Variants in ARFGEF3 observed in about 807,000 individuals in gnomAD.
ARFGEF3 encodes brefeldin A-inhibited guanine nucleotide-exchange protein 3.
Under a neutral mutation model 221.7 loss-of-function variants are expected in ARFGEF3, and 96 were observed. The observed-to-expected ratio is 0.43, with a 90% CI of 0.37 to 0.51. ARFGEF3 has a LOEUF of 0.51. Ranked by LOEUF, ARFGEF3 falls within the 20% of genes least tolerant of loss-of-function variation. ARFGEF3 has a pLI of 0.00. For missense variants in ARFGEF3, 2,410 were observed against 2,789.9 expected, an observed-to-expected ratio of 0.86 and a Z score of 3.07; for synonymous variants, 1,145 against 1,126.8, an observed-to-expected ratio of 1.02 and a Z score of -0.32.
intron 2 of ARFGEF3, among the ~76,000 whole-genome samples, chr6:138,204,114 G>A (rs563725152): frequency 2.6e-5 from 4 of 151,708 alleles, no homozygotes; most frequent in Non-Finnish European, 2.9e-5. Flanking sequence ...CAAGGTGGGC[G>A]GATCACCTGA....
rs1239125890 is a variant in ARFGEF3 at position 138,334,467 on chromosome 6, G to C, written c.5621G>C (p.Gly1874Ala). The change falls in exon 33 of 34, where the codon GGC becomes GCC. Residue 1874 changes from glycine (G) to alanine (A), a missense_variant. Transcript: ENST00000251691. The surrounding 1 kb of genome is among the most constrained non-coding windows in gnomAD (Gnocchi z 5.1). ...ACCGCCCAGGTCAGCCCCCCGAGAGGCAAGGAGAAGAGACAGTGGCGGGCA... is the reference window on the plus strand; with the variant it reads ...ACCGCCCAGGTCAGCCCCCCGAGAGCCAAGGAGAAGAGACAGTGGCGGGCA... ...EETAQVSPPR[G>A]KEKRQWRARM... 1 of 1,612,330 alleles carries C rather than the reference G, an allele frequency of 6.2e-7. No homozygotes were observed.
chr6:138,295,674 A>C lies in ARFGEF3; in HGVS notation c.3503-1136A>C, dbSNP rs1002066536. ...GAAAATATAATTGCTTTAAAAATTA[A>C]AGTTATTAAAGACTTACAGAACCAA... On this transcript the variant is annotated intron_variant, in intron 20 of 33. Transcript: ENST00000251691. 9.2e-5 allele frequency among the ~76,000 whole-genome samples: 14 copies of C among 152,306 alleles called. 1 individual carries two copies. Among genetic ancestry groups the C allele is most frequent in the East Asian group, 5.8e-4 (3 of 5,182 alleles).
At chr6:138,194,456 T>G (rs894482715) in intron 2 of ARFGEF3, among the ~76,000 whole-genome samples, 1 of 152,130 alleles carries the variant, frequency 6.6e-6, no homozygotes, top group Non-Finnish European at 1.5e-5. Flanking sequence ...AGCTGGAGCA[T>G]TTTCATCATG....
rs372854900 is a variant in ARFGEF3 at position 138,188,042 on chromosome 6, T to C, written c.137+17329T>C. 1.4e-4 allele frequency among the ~76,000 whole-genome samples: 22 copies of C among 152,290 alleles called. No individual in the cohort carries two copies. In the East Asian group the frequency reaches 3.9e-3, roughly 27 times the overall value. ...TGCTATAAAATAATAGAGTAGGATA[T>C]AGTGTTTATAATACTTGAGTATTTG... is the stretch of plus-strand genomic sequence containing the variant. On this transcript the variant is annotated intron_variant, in intron 2 of 33. Coordinates refer to ENST00000251691, the MANE Select transcript of ARFGEF3 (RefSeq NM_020340.5).
chr6:138,170,700 C>G lies in ARFGEF3; in HGVS notation c.124C>G (p.Pro42Ala). The change falls in exon 2 of 34, where the codon CCA (proline) becomes GCA (alanine). Residue 42 changes from proline to alanine, a missense_variant. Physicochemically the swap from Pro to Ala is conservative, Grantham distance 27 (BLOSUM62 -1). Around this residue, in one of 5 missense-constraint regions of ARFGEF3, gnomAD observed 570 missense variants for 586.9 expected, o/e 0.97. Coordinates refer to ENST00000251691, the MANE Select transcript of ARFGEF3 (RefSeq NM_020340.5). ...TCTGGATACCATTGTCAAGATCCCTCCACATGTACTGAGGTAGGAGATGGA... is the reference window on the plus strand; with the variant it reads ...TCTGGATACCATTGTCAAGATCCCTGCACATGTACTGAGGTAGGAGATGGA... ...GGLDTIVKIP[P>A]HVLREKCLLP... The G allele has an allele frequency of 6.3e-7, 1 of 1,581,106 alleles. No homozygotes were observed. Among genetic ancestry groups the G allele is most frequent in the Non-Finnish European group, 8.7e-7 (1 of 1,150,370 alleles).
chr6:138,228,889 G>C (rs192210357), intron 4 of ARFGEF3, among the ~76,000 whole-genome samples: 1 of 152,356 alleles, frequency 6.6e-6, no homozygotes. Flanking sequence ...CAGCACCTTT[G>C]TGTCTGTTTT....
Position 138,170,673 on chromosome 6 carries a change from G to T in ARFGEF3, c.97G>T (p.Gly33Cys). The T allele has an allele frequency of 6.4e-7, 1 of 1,574,774 alleles. No individual in the cohort carries two copies. The highest frequency in any genetic ancestry group is 8.7e-7 in the Non-Finnish European group (1 of 1,144,784). The change falls in exon 2 of 34, where the codon GGT (glycine) becomes TGT (cysteine). Residue 33 changes from glycine to cysteine, a missense_variant. Physicochemically the swap from Gly to Cys is radical, Grantham distance 159. Around this residue, in one of 5 missense-constraint regions of ARFGEF3, gnomAD observed 570 missense variants for 586.9 expected, o/e 0.97. Transcript: ENST00000251691. ...SCTWALETLG[G>C]LDTIVKIPPH... ...TTTTTCTTTTGCAGAAACTCTAGGTGGTCTGGATACCATTGTCAAGATCCC... is the reference window on the plus strand; with the variant it reads ...TTTTTCTTTTGCAGAAACTCTAGGTTGTCTGGATACCATTGTCAAGATCCC...
chr6:138,314,642 G>T (rs1168026654), intron 26 of ARFGEF3, among the ~76,000 whole-genome samples: 1 of 152,134 alleles, frequency 6.6e-6, no homozygotes, highest in Non-Finnish European at 1.5e-5. Context: ...AAATACAATG[G>T]TAGGAAGGCA....
Position 138,343,091 on chromosome 6 carries a change from A to G in ARFGEF3, c.*6605A>G, listed in dbSNP as rs1780457553. ...GAATTCAGTGAAATCATGTTAACTC[A>G]TATAGAGGGGGCCTTAGTTTATCTC... is the stretch of plus-strand genomic sequence containing the variant. On this transcript the variant is annotated 3_prime_UTR_variant, in exon 34 of 34. Transcript: ENST00000251691. The G allele has an allele frequency of 6.6e-6, 1 of 152,190 alleles. No individual in the cohort carries two copies. The highest frequency in any genetic ancestry group is 2.4e-5 in the African/African-American group (1 of 41,442). 9.4% of individuals were successfully genotyped at this position (152,190 alleles called of 1,614,324 possible). A position where few individuals can be genotyped will look rare whatever the true frequency, so the allele number is the denominator to read the frequency against.
rs560980883 is a variant in ARFGEF3 at position 138,173,679 on chromosome 6, A to G, written c.137+2966A>G. On this transcript the variant is annotated intron_variant, in intron 2 of 33. Transcript: ENST00000251691. ...ATATGGTTTCAATGTGTCCAAGGAC[A>G]TATTTTTGGTTCTCCTTTTACTCAT... Among the ~76,000 whole-genome samples, 3 of 152,280 alleles carry G rather than the reference A, an allele frequency of 2.0e-5. No individual in the cohort carries two copies. In the East Asian group the frequency reaches 5.8e-4, roughly 29 times the overall value.
At chr6:138,181,699 C>A (rs891231772) in intron 2 of ARFGEF3, among the ~76,000 whole-genome samples, 1 of 152,214 alleles carries the variant, frequency 6.6e-6, no homozygotes, top group African/African-American at 2.4e-5. Context: ...CCATCTTGGC[C>A]TCCCAAAGTG....
At chr6:138,285,173 G>A (rs1779263192) in intron 14 of ARFGEF3, among the ~76,000 whole-genome samples, 1 of 152,116 alleles carries the variant, frequency 6.6e-6, no homozygotes, top group Non-Finnish European at 1.5e-5. Flanking sequence ...AAAATTATAA[G>A]GTATTATTGG....
At chr6:138,203,158 A>ATG (rs68102875) in intron 2 of ARFGEF3, among the ~76,000 whole-genome samples, 387 of 150,656 alleles carry the variant, frequency 2.6e-3, no homozygotes, top group Admixed American at 7.5e-3. Context: ...GATTGTGTGT[A>ATG]TGTGTGTGTG....
chr6:138,248,231 C>A (rs1778519602), intron 8 of ARFGEF3, among the ~76,000 whole-genome samples: 1 of 152,144 alleles, frequency 6.6e-6, no homozygotes, highest in Non-Finnish European at 1.5e-5. Flanking sequence ...TCAGGCATGG[C>A]CGCTGATTGG....
intron 8 of ARFGEF3, among the ~76,000 whole-genome samples, chr6:138,246,429 G>T (rs1778488353): frequency 6.6e-6 from 1 of 152,244 alleles, no homozygotes; most frequent in Non-Finnish European, 1.5e-5. Flanking sequence ...TAGTCTAGTT[G>T]TAGGCAAGAA....
intron 8 of ARFGEF3, among the ~76,000 whole-genome samples, chr6:138,246,304 A>G (rs1778486869): frequency 6.6e-6 from 1 of 151,902 alleles, no homozygotes; most frequent in South Asian, 2.1e-4. Flanking sequence ...TACAATTCTG[A>G]AGTGTCCTTT....
chr6:138,192,501 C>T (rs1215503511), intron 2 of ARFGEF3, among the ~76,000 whole-genome samples: 2 of 127,568 alleles, frequency 1.6e-5, no homozygotes, highest in African/African-American at 6.9e-5. Flanking sequence ...AAAAAACTAA[C>T]CAAACAAACT....
intron 4 of ARFGEF3, among the ~76,000 whole-genome samples, chr6:138,213,209 A>G (rs536941983): frequency 4.6e-5 from 7 of 151,250 alleles, no homozygotes; most frequent in Non-Finnish European, 7.4e-5. Context: ...AATGGCATGA[A>G]TCCGGGAGGC....
intron 17 of ARFGEF3, among the ~76,000 whole-genome samples, chr6:138,289,358 T>C (rs1023012418): frequency 1.6e-4 from 25 of 152,216 alleles, no homozygotes; most frequent in African/African-American, 5.5e-4. Context: ...GCTCAAAATA[T>C]ACGTAAATAA....
Sources: gnomAD v4.1 joint callset for allele counts (sites outside exome capture counted in the v4.1 genomes callset) on GRCh38, gnomAD v4.1.1 for gene constraint, gnomAD v4.1.1 regional missense constraint, Gnocchi (gnomAD v3.1) non-coding constraint, MANE v1.5 for transcripts, NCBI Gene and HGNC (gene_info 2026-07-23, HGNC 2026-07-21) for gene names.